TTR: variants seen among roughly 807,000 people sequenced by gnomAD.
TTR encodes the protein epididymis luminal protein 111.
Under a neutral mutation model 13.7 loss-of-function variants are expected in TTR, and 8 were observed. That is an observed-to-expected ratio of 0.58 (90% CI 0.34 to 1.05). The LOEUF (loss-of-function observed/expected upper bound fraction) is 1.05, where lower values mean the gene tolerates loss of function less well. Among genes scored for constraint, TTR ranks in the 50% least tolerant of loss-of-function variants. The pLI is 0.02. For missense variants in TTR, 135 were observed against 185.5 expected (o/e 0.73, Z 1.58); for synonymous variants, 75 against 71.7 (o/e 1.05, Z -0.23).
At chr18:31,593,292 C>A (rs966368230) in intron 2 of TTR, 4 of 411,012 alleles carry the variant, frequency 9.7e-6, no homozygotes, top group South Asian at 8.8e-5. Flanking sequence ...GTTTGCAACC[C>A]TTTTGGGTCA....
At chr18:31,598,467 T>G (rs768783515) in intron 3 of TTR, 101 bp from the exon 4 acceptor site, 2 of 1,108,314 alleles carry the variant, frequency 1.8e-6, no homozygotes, top group African/African-American at 3.1e-5. Flanking sequence ...AAGAATAAAA[T>G]TAATTAAGTT....
chr18:31,598,469 A>C (rs746987073), intron 3 of TTR, 99 bp from the exon 4 acceptor site: 1 of 1,119,586 alleles, frequency 8.9e-7, no homozygotes, highest in Non-Finnish European at 1.3e-6. Context: ...GAATAAAATT[A>C]ATTAAGTTGG....
chr18:31,598,552 C>G lies in TTR; in HGVS notation c.337-16C>G, dbSNP rs775387343. 1.2e-6 allele frequency: 2 copies of G among 1,613,984 alleles called. No individual in the cohort carries two copies. Among genetic ancestry groups the G allele is most frequent in the Admixed American group, 3.3e-5 (2 of 60,026 alleles). On this transcript the variant is annotated splice_polypyrimidine_tract_variant and intron_variant, in intron 3 of 3. Coordinates refer to ENST00000237014, the MANE Select transcript of TTR (RefSeq NM_000371.4). ...CGGGCTCTGGTGGAAATGGATCTGT[C>G]TGTCTTCTCTCATAGGTGGTATTCA...
chr18:31,592,844 C>T, intron 1 of TTR, 52 bp from the exon 2 acceptor site: 3 of 1,609,482 alleles, frequency 1.9e-6, no homozygotes, highest in Non-Finnish European at 2.5e-6. Flanking sequence ...AGAATAAATC[C>T]TTTCACTCTG....
At chr18:31,595,596 A>G in intron 3 of TTR, 1 of 391,046 alleles carries the variant, frequency 2.6e-6, no homozygotes, top group East Asian at 6.6e-5. Flanking sequence ...ATGTAACAAG[A>G]GATGCACCAT....
At chr18:31,593,164 C>A in intron 2 of TTR, 138 bp downstream of exon 2, 1 of 1,285,376 alleles carries the variant, frequency 7.8e-7, no homozygotes, top group Non-Finnish European at 1.1e-6. Context: ...CAAGTATGCC[C>A]TCTGAAGGAT....
chr18:31,593,666 A>G (rs991743413), intron 2 of TTR: 1 of 152,550 alleles, frequency 6.6e-6, no homozygotes, highest in African/African-American at 2.4e-5. Context: ...AGATGGATCC[A>G]TGAGGCAAAG....
rs958191819 is a variant in TTR at position 31,595,212 on chromosome 18, A to T, written c.293A>T (p.Tyr98Phe). 3 of 1,614,036 alleles carry T rather than the reference A, an allele frequency of 1.9e-6. No homozygotes were observed. Among genetic ancestry groups the T allele is most frequent in the East Asian group, 2.2e-5 (1 of 44,882 alleles). ...AAAGTGGAAATAGACACCAAATCTT[A>T]CTGGAAGGCACTTGGCATCTCCCCA... ...IYKVEIDTKS[Y>F]WKALGISPFH... Residue 98 changes from tyrosine (Y) to phenylalanine (F), a missense_variant, in exon 3 of 4, where the codon TAC becomes TTC. By Grantham distance (22) the Tyr-to-Phe change is conservative (BLOSUM62 3). Coordinates refer to ENST00000237014, the MANE Select transcript of TTR (RefSeq NM_000371.4).
At chr18:31,595,783 G>T (rs1052469549) in intron 3 of TTR, 1 of 293,516 alleles carries the variant, frequency 3.4e-6, no homozygotes, top group African/African-American at 2.2e-5. Flanking sequence ...ACAATTATAA[G>T]TGTTTTCCAT....
At position 31,595,501 on chromosome 18, in the gene TTR, T is replaced by G. The variant is rs137995483; in HGVS notation, c.336+246T>G. On this transcript the variant is annotated intron_variant, in intron 3 of 3. Coordinates refer to ENST00000237014, the MANE Select transcript of TTR (RefSeq NM_000371.4). ...CTTACATGAAACTACTCATAGTCTA[T>G]TCATTCCACTTTATATGAATATTGA... 8.0e-6 allele frequency: 5 copies of G among 621,442 alleles called. No homozygotes were observed. The African/African-American group carries it at 9.1e-5, about 11-fold the overall frequency. 38.5% of individuals were successfully genotyped at this position (621,442 alleles called of 1,614,324 possible).
rs1453023289 is a variant in TTR at position 31,591,978 on chromosome 18, G to T, written c.69+7G>T. ...GTCTGAGGCTGGCCCTACGGTGAGT[G>T]TTTCTGTGACATCCCATTCCTACAT... On this transcript the variant is annotated splice_region_variant and intron_variant, in intron 1 of 3. Coordinates refer to ENST00000237014, the MANE Select transcript of TTR (RefSeq NM_000371.4). 6.2e-7 allele frequency: 1 copy of T among 1,613,988 alleles called. No homozygotes were observed. The highest frequency in any genetic ancestry group is 1.7e-5 in the Admixed American group (1 of 60,006).
rs2144414150 is a variant in TTR, at chr18:31,598,590, C to A, written c.359C>A (p.Ser120Tyr). The A allele has an allele frequency of 6.2e-7, 1 of 1,614,088 alleles. No homozygotes were observed. Among genetic ancestry groups the A allele is most frequent in the Middle Eastern group, 1.6e-4 (1 of 6,062 alleles). ...HAEVVFTAND[S>Y]GPRRYTIAAL... ...TAGGTGGTATTCACAGCCAACGACT[C>A]CGGCCCCCGCCGCTACACCATTGCC... The change falls in exon 4 of 4, where the codon TCC (serine) becomes TAC (tyrosine). Residue 120 changes from serine (S) to tyrosine (Y), a missense_variant. By Grantham distance (144) the Ser-to-Tyr change is moderately radical. Transcript: ENST00000237014.
At chr18:31,593,731 T>C (rs1242637463) in intron 2 of TTR, among the ~76,000 whole-genome samples, 1 of 152,188 alleles carries the variant, frequency 6.6e-6, no homozygotes, top group Non-Finnish European at 1.5e-5. Flanking sequence ...GAGTGGCTTC[T>C]CACCTTCATT....
At position 31,591,931 on chromosome 18, in the gene TTR, G is replaced by T; in HGVS notation, c.29G>T (p.Cys10Phe). Residue 10 changes from cysteine (C) to phenylalanine (F), a missense_variant, in exon 1 of 4, where the codon TGC (cysteine) becomes TTC (phenylalanine). By Grantham distance (205) the Cys-to-Phe change is radical (BLOSUM62 -2). Transcript: ENST00000237014. MASHRLLLL[C>F]LAGLVFVSEA... ...GCTTCTCATCGTCTGCTCCTCCTCT[G>T]CCTTGCTGGACTGGTATTTGTGTCT... is the stretch of plus-strand genomic sequence containing the variant. 1.2e-6 allele frequency: 2 copies of T among 1,614,134 alleles called. No homozygotes were observed. Among genetic ancestry groups the T allele is most frequent in the Non-Finnish European group, 1.7e-6 (2 of 1,180,034 alleles).
chr18:31,592,498 C>T (rs750633076), intron 1 of TTR, among the ~76,000 whole-genome samples: 4 of 152,124 alleles, frequency 2.6e-5, no homozygotes, highest in Non-Finnish European at 5.9e-5. Flanking sequence ...TTTATAACAA[C>T]TGGTAAGAGG....
intron 2 of TTR, 76 bp from the exon 3 acceptor site, chr18:31,595,044 T>C (rs59882235): frequency 6.7e-7 from 1 of 1,488,374 alleles, no homozygotes; most frequent in Non-Finnish European, 9.3e-7. Flanking sequence ...GTGTGTTAGT[T>C]GGTGGGGGTG....
intron 3 of TTR, among the ~76,000 whole-genome samples, chr18:31,596,372 A>T (rs988286870): frequency 5.9e-5 from 9 of 152,168 alleles, no homozygotes; most frequent in African/African-American, 2.2e-4. Context: ...AGAGAGCCCC[A>T]TCTACCAAGG....
At position 31,592,944 on chromosome 18, in the gene TTR, G is replaced by C. The variant is rs121918093; in HGVS notation, c.118G>C (p.Val40Leu). The change falls in exon 2 of 4, where the codon GTC becomes CTC. Residue 40 changes from valine to leucine, a missense_variant. Physicochemically the swap from Val to Leu is conservative, Grantham distance 32. Coordinates refer to ENST00000237014, the MANE Select transcript of TTR (RefSeq NM_000371.4). ...CPLMVKVLDA[V>L]RGSPAINVAV... ...TCTGATGGTCAAAGTTCTAGATGCT[G>C]TCCGAGGCAGTCCTGCCATCAATGT... 1 of 1,614,144 alleles carries C rather than the reference G, an allele frequency of 6.2e-7. No homozygotes were observed. The highest frequency in any genetic ancestry group is 1.7e-5 in the Admixed American group (1 of 60,028).
chr18:31,594,579 C>A (rs986125453), intron 2 of TTR, among the ~76,000 whole-genome samples: 4 of 152,086 alleles, frequency 2.6e-5, no homozygotes, highest in African/African-American at 9.7e-5. Context: ...AAACATTATA[C>A]CTGGCCGGGC....
Sources: gnomAD v4.1 joint callset for allele counts (sites outside exome capture counted in the v4.1 genomes callset) on GRCh38, gnomAD v4.1.1 for gene constraint, MANE v1.5 for transcripts, NCBI Gene and HGNC (gene_info 2026-07-23, HGNC 2026-07-21) for gene names.